TBC1D21: variants seen among roughly 807,000 people sequenced by gnomAD.
The protein encoded by TBC1D21 is TBC1 domain family member 21, also known as male germ cell Rab GTPase-activating protein.
In TBC1D21, 38 loss-of-function variants were observed where a neutral mutation model predicts 46.0. The observed-to-expected ratio is 0.83, with a 90% CI of 0.64 to 1.08. The LOEUF (loss-of-function observed/expected upper bound fraction) is 1.08, where lower values mean the gene tolerates loss of function less well. Ranked by LOEUF, TBC1D21 falls within the 50% of genes least tolerant of loss-of-function variation. The pLI is 0.00. For missense variants in TBC1D21, 415 were observed against 417.9 expected (o/e 0.99, Z 0.06); for synonymous variants, 151 against 157.2 (o/e 0.96, Z 0.29).
Position 73,889,203 on chromosome 15 carries a change from C to A in TBC1D21, c.*102C>A. On this transcript the variant is annotated 3_prime_UTR_variant, in exon 11 of 11. Transcript: ENST00000300504. ...ATAAAACAGCTGCAATATAAACAGT[C>A]CTCTGGAATAATGGTTTGTGGTGGA... 2 of 1,330,216 alleles carry A rather than the reference C, an allele frequency of 1.5e-6. No homozygotes were observed. The highest frequency in any genetic ancestry group is 2.1e-6 in the Non-Finnish European group (2 of 944,044). The allele number at this position is 1,330,216 out of a possible 1,614,324, so 82.4% of individuals were successfully genotyped here. A position where few individuals can be genotyped will look rare whatever the true frequency, so the allele number is the denominator to read the frequency against.
downstream of TBC1D21, among the ~76,000 whole-genome samples, chr15:73,890,946 C>T (rs181661135): frequency 6.6e-6 from 1 of 152,184 alleles, no homozygotes; most frequent in Non-Finnish European, 1.5e-5. Context: ...TACTAGGGTG[C>T]ATATTTGAAA....
intron 10 of TBC1D21, 51 bp downstream of exon 10, chr15:73,888,564 T>TTCCTCCTCCTCCTCCTCG: frequency 8.9e-7 from 1 of 1,123,158 alleles, no homozygotes; most frequent in African/African-American, 2.6e-5. Flanking sequence ...CCTCCTCCTC[T>TTCCTCCTCCTCCTCCTCG]TCCTCCTCCT....
intron 9 of TBC1D21, 29 bp from the exon 10 acceptor site, chr15:73,888,401 C>G (rs777187811): frequency 1.2e-6 from 2 of 1,604,272 alleles, no homozygotes; most frequent in Non-Finnish European, 1.7e-6. Flanking sequence ...CCCAGCCCCA[C>G]CCACAACTGC....
chr15:73,888,961 A>T, intron 10 of TBC1D21, 108 bp from the exon 11 acceptor site: 1 of 1,335,000 alleles, frequency 7.5e-7, no homozygotes, highest in Non-Finnish European at 1.1e-6. Flanking sequence ...TGTCCATCCC[A>T]GTGGGTCTGG....
At chr15:73,894,565 A>C in the TBC1D21 span, among the ~76,000 whole-genome samples, 1 of 152,138 alleles carries the variant, frequency 6.6e-6, no homozygotes, top group African/African-American at 2.4e-5. Flanking sequence ...GCAGGAAGTC[A>C]GTCTGCAGGG....
intron 6 of TBC1D21, among the ~76,000 whole-genome samples, chr15:73,885,769 C>A (rs964616212): frequency 2.6e-5 from 4 of 151,900 alleles, no homozygotes; most frequent in Non-Finnish European, 4.4e-5. Context: ...GGCAACTGGG[C>A]TCACTAGACT....
At chr15:73,873,792 G>A (rs2068010438) in intron 1 of TBC1D21, 23 bp downstream of exon 1, 1 of 1,605,792 alleles carries the variant, frequency 6.2e-7, no homozygotes, top group African/African-American at 1.3e-5. Context: ...TGTCAGCTCT[G>A]AGTGCCTCCC....
At chr15:73,886,010 G>A in intron 6 of TBC1D21, 68 bp from the exon 7 acceptor site, 1 of 1,354,160 alleles carries the variant, frequency 7.4e-7, no homozygotes, top group Non-Finnish European at 1.1e-6. Context: ...GCTGGGGGAA[G>A]CAGAGTTGAC....
the TBC1D21 span, among the ~76,000 whole-genome samples, chr15:73,898,902 T>TATATATATATATATATACACAC: frequency 1.8e-5 from 2 of 112,890 alleles, no homozygotes; most frequent in Non-Finnish European, 3.6e-5. Context: ...TATATATATA[T>TATATATATATATATATACACAC]ACACACACAC....
At chr15:73,898,880 A>AAAAAAAAAAAAAAAATAT in the TBC1D21 span, among the ~76,000 whole-genome samples, 1 of 56,776 alleles carries the variant, frequency 1.8e-5, no homozygotes, top group Non-Finnish European at 3.8e-5. Flanking sequence ...AAAAAAAAAA[A>AAAAAAAAAAAAAAAATAT]ATATATATAT....
chr15:73,893,537 G>C (rs568888122), downstream of TBC1D21, among the ~76,000 whole-genome samples: 1 of 152,196 alleles, frequency 6.6e-6, no homozygotes, highest in Non-Finnish European at 1.5e-5. Context: ...TTCTTCTCTG[G>C]CTACATTGAA....
intron 1 of TBC1D21, among the ~76,000 whole-genome samples, chr15:73,874,686 A>T (rs1399554373): frequency 6.6e-6 from 1 of 150,432 alleles, no homozygotes; most frequent in Non-Finnish European, 1.5e-5. Flanking sequence ...CCAACTGGGA[A>T]CTTGTAAGAA....
At position 73,876,221 on chromosome 15, in the gene TBC1D21, T is replaced by TTTGTTTG. The variant is rs1567062338; in HGVS notation, c.60+2454_60+2455insGTTTGTT. On this transcript the variant is annotated intron_variant, in intron 1 of 10. Coordinates refer to ENST00000300504, the MANE Select transcript of TBC1D21 (RefSeq NM_153356.3). ...TGGGTTTTTTTTTTTTTTTTTTTTTTTTTTTTTTTTTTTTTTTTTTTTTTG... is the reference window on the plus strand; with the variant it reads ...TGGGTTTTTTTTTTTTTTTTTTTTTTTTGTTTGTTTTTTTTTTTTTTTTTTTTTTTTG... 2.5e-4 allele frequency among the ~76,000 whole-genome samples: 9 copies of TTTGTTTG among 36,384 alleles called. 2 individuals are homozygous for TTTGTTTG. The highest frequency in any genetic ancestry group is 3.3e-3 in the East Asian group (1 of 300). 23.9% of individuals were successfully genotyped at this position (36,384 alleles called of 152,430 possible).
chr15:73,889,032 C>A, intron 10 of TBC1D21, 37 bp from the exon 11 acceptor site: 1 of 1,612,006 alleles, frequency 6.2e-7, no homozygotes, highest in Non-Finnish European at 8.5e-7. Context: ...AAGGGACAGA[C>A]CAATGTCTGT....
downstream of TBC1D21, among the ~76,000 whole-genome samples, chr15:73,891,806 C>T (rs559490513): frequency 3.3e-4 from 50 of 152,350 alleles, no homozygotes; most frequent in Non-Finnish European, 2.4e-4. Context: ...CTTTGGGCAC[C>T]GACAAGCATG....
chr15:73,898,881 ATATAT>A, the TBC1D21 span, among the ~76,000 whole-genome samples: 15 of 54,366 alleles, frequency 2.8e-4, no homozygotes, highest in East Asian at 7.9e-4. Context: ...AAAAAAAAAA[ATATAT>A]ATATATATAT....
At chr15:73,891,667 C>T (rs998617134), downstream of TBC1D21, among the ~76,000 whole-genome samples, 7 of 152,250 alleles carry the variant, frequency 4.6e-5, no homozygotes, top group African/African-American at 1.4e-4. Flanking sequence ...CTCCCCACTC[C>T]TGGTGCCCAC....
the TBC1D21 span, chr15:73,908,053 T>C: frequency 5.3e-5 from 8 of 152,252 alleles, no homozygotes; most frequent in African/African-American, 1.7e-4. Context: ...AAAGTGGCTT[T>C]ATTGAGATGT....
Position 73,881,447 on chromosome 15 carries a change from G to C in TBC1D21, c.109G>C (p.Asp37His), listed in dbSNP as rs775023466. 2 of 1,614,110 alleles carry C rather than the reference G, an allele frequency of 1.2e-6. No individual in the cohort carries two copies. Among genetic ancestry groups the C allele is most frequent in the Non-Finnish European group, 1.7e-6 (2 of 1,180,040 alleles). ...CAAGACAGAATGGGACAGCTTCTTT[G>C]ATGAGAGTGGCCACTTGGCCAAATC... Reference protein sequence around the residue: ...IDKTEWDSFFDESGHLAKSRD... With the variant: ...IDKTEWDSFFHESGHLAKSRD... The change falls in exon 2 of 11, where the codon GAT (aspartate) becomes CAT (histidine). Residue 37 changes from aspartate to histidine, a missense_variant. Transcript: ENST00000300504.
Sources: allele counts gnomAD v4.1 joint callset (sites outside exome capture counted in the v4.1 genomes callset), GRCh38; gene constraint gnomAD v4.1.1; transcripts MANE v1.5; gene names NCBI Gene and HGNC (gene_info 2026-07-23, HGNC 2026-07-21).